The following EDARADD variants were observed in gnomAD, a reference collection of about 807,000 sequenced individuals.
The protein encoded by EDARADD is EDAR associated via death domain, also known as ectodysplasin-A receptor-associated adapter protein.
A neutral mutation model predicts 25.6 loss-of-function variants in EDARADD; 20 were observed. The ratio of observed to expected loss-of-function variants is 0.78; its 90% CI spans 0.55 to 1.14. The LOEUF (loss-of-function observed/expected upper bound fraction) is 1.14. Among genes scored for constraint, EDARADD ranks in the 50% most tolerant of loss-of-function variants. EDARADD has a pLI of 0.00. For synonymous variants in EDARADD, 86 were observed against 94.4 expected (o/e 0.91, Z 0.52); for missense variants, 225 against 270.1 (o/e 0.83, Z 1.17).
chr1:236,377,234 C>T (rs12043714), intron 3 of EDARADD, among the ~76,000 whole-genome samples: 4 of 151,078 alleles, frequency 2.6e-5, no homozygotes, highest in Non-Finnish European at 4.4e-5. Flanking sequence ...CGGTTCACTG[C>T]AACCTCCACC....
chr1:236,460,645 A>G (rs893108110), intron 4 of EDARADD, among the ~76,000 whole-genome samples: 2 of 152,216 alleles, frequency 1.3e-5, no homozygotes, highest in Non-Finnish European at 2.9e-5. Context: ...GAGTTTAAAC[A>G]GGCTTTTTAG....
chr1:236,381,274 T>G lies in EDARADD; in HGVS notation c.-5-27942T>G, dbSNP rs77592261. Reference sequence around the variant, plus strand: ...ATAGTTTGTTCCTTTTATTGGTAAGTAGTATTCCATTCTAAAGATACACCA... The same window carrying G: ...ATAGTTTGTTCCTTTTATTGGTAAGGAGTATTCCATTCTAAAGATACACCA... On this transcript the variant is annotated intron_variant, in intron 3 of 7. Transcript: ENST00000439430. Among the ~76,000 whole-genome samples the G allele has an allele frequency of 0.023, 3,548 of 152,274 alleles. 254 individuals carry two copies. The East Asian group carries it at 0.3, about 13-fold the overall frequency.
intron 4 of EDARADD, among the ~76,000 whole-genome samples, chr1:236,445,214 T>G (rs1658499641): frequency 6.7e-6 from 1 of 150,252 alleles, no homozygotes; most frequent in Non-Finnish European, 1.5e-5. Flanking sequence ...GTTATTGCAT[T>G]AGCTGGGACA....
At chr1:236,449,568 A>G (rs1422943290) in intron 4 of EDARADD, among the ~76,000 whole-genome samples, 1 of 152,206 alleles carries the variant, frequency 6.6e-6, no homozygotes, top group Non-Finnish European at 1.5e-5. Flanking sequence ...CTCCACTGTC[A>G]TGAATCATTT....
intron 3 of EDARADD, among the ~76,000 whole-genome samples, chr1:236,383,927 C>T (rs553561548): frequency 1.1e-4 from 17 of 152,164 alleles, no homozygotes; most frequent in South Asian, 4.1e-4. Flanking sequence ...ACTTGAGCCC[C>T]GGTAGGTCGA....
chr1:236,477,571 C>T (rs955416253), intron 5 of EDARADD, among the ~76,000 whole-genome samples: 37 of 152,032 alleles, frequency 2.4e-4, no homozygotes, highest in African/African-American at 7.5e-4. Context: ...AGACAGGGGC[C>T]GGGAAGACTT....
chr1:236,433,009 C>A (rs1658148650), intron 4 of EDARADD, among the ~76,000 whole-genome samples: 1 of 151,720 alleles, frequency 6.6e-6, no homozygotes, highest in Admixed American at 6.6e-5. Context: ...CAAATGTATC[C>A]CACTAATGTA....
chr1:236,447,513 C>T (rs1176706411), intron 4 of EDARADD, among the ~76,000 whole-genome samples: 2 of 152,084 alleles, frequency 1.3e-5, no homozygotes, highest in African/African-American at 4.8e-5. Context: ...TGTCCTCCCG[C>T]CATCCTACCC....
At chr1:236,367,062 C>T (rs647312) in intron 3 of EDARADD, among the ~76,000 whole-genome samples, 42,837 of 131,540 alleles carry the variant, frequency 0.33, 7,232 homozygotes, top group African/African-American at 0.41. Flanking sequence ...CCAGCCTGGG[C>T]GACAGAGTGA....
chr1:236,448,895 T>C (rs1185447611), intron 4 of EDARADD, among the ~76,000 whole-genome samples: 1 of 152,202 alleles, frequency 6.6e-6, no homozygotes, highest in Non-Finnish European at 1.5e-5. Flanking sequence ...CAGAAGCAAC[T>C]GACATAACCA....
Position 236,478,489 on chromosome 1 carries a change from T to G in EDARADD, c.266-3778T>G, listed in dbSNP as rs552546239. On this transcript the variant is annotated intron_variant, in intron 5 of 5. Transcript: ENST00000334232. Reference sequence around the variant, plus strand: ...GTGTGTATATATATATGTGTATATATGTATATATATATGATGGAATACTAT... The same window carrying G: ...GTGTGTATATATATATGTGTATATAGGTATATATATATGATGGAATACTAT... 4.6e-5 allele frequency among the ~76,000 whole-genome samples: 7 copies of G among 151,416 alleles called. No individual in the cohort carries two copies. In the East Asian group the frequency reaches 1.4e-3, roughly 29 times the overall value.
chr1:236,378,533 C>T (rs1331083732), intron 3 of EDARADD, among the ~76,000 whole-genome samples: 2 of 152,168 alleles, frequency 1.3e-5, no homozygotes, highest in African/African-American at 4.8e-5. Context: ...TGCCCTATGA[C>T]CTTACTTCTC....
At chr1:236,378,813 A>G in intron 3 of EDARADD, among the ~76,000 whole-genome samples, 1 of 152,054 alleles carries the variant, frequency 6.6e-6, no homozygotes, top group African/African-American at 2.4e-5. Context: ...CTTCAGCTAA[A>G]ATGATCATCT....
chr1:236,470,595 G>GT (rs913696876), intron 5 of EDARADD, among the ~76,000 whole-genome samples: 1 of 151,932 alleles, frequency 6.6e-6, no homozygotes, highest in African/African-American at 2.4e-5. Flanking sequence ...CAGAGTGTGG[G>GT]TTTTTTTGTT....
chr1:236,456,315 C>T (rs147552692), intron 4 of EDARADD, among the ~76,000 whole-genome samples: 12 of 152,252 alleles, frequency 7.9e-5, no homozygotes, highest in African/African-American at 1.9e-4. Flanking sequence ...CAGAGCTGGC[C>T]GCTCACTCAC....
intron 4 of EDARADD, among the ~76,000 whole-genome samples, chr1:236,461,881 C>G (rs1558132697): frequency 6.6e-6 from 1 of 152,176 alleles, no homozygotes. Context: ...ACTAAACGTC[C>G]TGAAGAGCAT....
chr1:236,349,383 C>T (rs895299934), intron 2 of EDARADD, among the ~76,000 whole-genome samples: 1 of 152,070 alleles, frequency 6.6e-6, no homozygotes, highest in African/African-American at 2.4e-5. Flanking sequence ...AAATATGAGA[C>T]GGCCAAATAT....
chr1:236,356,763 A>AACAAAAC (rs1558099205), intron 3 of EDARADD, among the ~76,000 whole-genome samples: 8 of 151,674 alleles, frequency 5.3e-5, no homozygotes, highest in African/African-American at 1.9e-4. Flanking sequence ...AAACAAAAAA[A>AACAAAAC]AAAACCACAC....
At chr1:236,363,008 T>TATATATATATATATATATATATATAC (rs1667072655) in intron 3 of EDARADD, among the ~76,000 whole-genome samples, 1 of 39,692 alleles carries the variant, frequency 2.5e-5, no homozygotes, top group Non-Finnish European at 4.3e-5. Flanking sequence ...AAAAAAAAAA[T>TATATATATATATATATATATATATAC]ATATATATAT....
Sources: allele counts gnomAD v4.1 joint callset (sites outside exome capture counted in the v4.1 genomes callset), GRCh38; gene constraint gnomAD v4.1.1; transcripts MANE v1.5; gene names NCBI Gene and HGNC (gene_info 2026-07-23, HGNC 2026-07-21).